Variants in ZNF727 observed in about 807,000 individuals in gnomAD.
ZNF727 encodes the protein zinc finger protein 727.
Under a neutral mutation model 11.5 loss-of-function variants are expected in ZNF727, and 11 were observed. That is an observed-to-expected ratio of 0.95 (90% CI 0.60 to 1.58). ZNF727 has a LOEUF of 1.58. ZNF727 is among the 40% of genes most tolerant of loss of function. The pLI, the probability that ZNF727 is intolerant of heterozygous loss-of-function variation, is 0.00. For synonymous variants in ZNF727, 171 were observed against 196.1 expected (o/e 0.87, Z 1.07); for missense variants, 533 against 581.7 (o/e 0.92, Z 0.86).
chr7:64,050,234 T>C (rs1257866842), intron 1 of ZNF727, among the ~76,000 whole-genome samples: 1 of 152,114 alleles, frequency 6.6e-6, no homozygotes, highest in Non-Finnish European at 1.5e-5. Context: ...TTTAGTACCA[T>C]GTAGATAATA....
chr7:64,045,867 C>T (rs117535826), intron 1 of ZNF727, among the ~76,000 whole-genome samples: 3 of 152,140 alleles, frequency 2.0e-5, no homozygotes, highest in African/African-American at 4.8e-5. Flanking sequence ...TTTTGGGCAG[C>T]TCTGTGTCGC....
intron 1 of ZNF727, among the ~76,000 whole-genome samples, chr7:64,053,514 T>C (rs1468396026): frequency 6.6e-6 from 1 of 151,958 alleles, no homozygotes; most frequent in African/African-American, 2.4e-5. Flanking sequence ...AGAGATGGGG[T>C]TTCACCATGT....
chr7:64,053,383 C>G (rs1021455873), intron 1 of ZNF727, among the ~76,000 whole-genome samples: 1 of 152,142 alleles, frequency 6.6e-6, no homozygotes, highest in Non-Finnish European at 1.5e-5. Context: ...TGCAGTGGCA[C>G]AGTCTCGGCT....
At chr7:64,061,418 A>C (rs1236134276) in intron 1 of ZNF727, among the ~76,000 whole-genome samples, 2 of 151,640 alleles carry the variant, frequency 1.3e-5, no homozygotes, top group Non-Finnish European at 2.9e-5. Flanking sequence ...CTTTTTTATA[A>C]TATAACTTTT....
At chr7:64,054,090 G>A (rs553918877) in intron 1 of ZNF727, among the ~76,000 whole-genome samples, 1 of 152,340 alleles carries the variant, frequency 6.6e-6, no homozygotes, top group South Asian at 2.1e-4. Context: ...GCAGGAATTA[G>A]TATATGCAGA....
intron 1 of ZNF727, among the ~76,000 whole-genome samples, chr7:64,052,125 G>A (rs1376598893): frequency 1.3e-5 from 2 of 152,144 alleles, no homozygotes; most frequent in East Asian, 3.9e-4. Context: ...AGTGTACCAG[G>A]TCTAAGTGTG....
intron 1 of ZNF727, among the ~76,000 whole-genome samples, chr7:64,068,669 T>C (rs1368796506): frequency 6.6e-6 from 1 of 152,152 alleles, no homozygotes; most frequent in Non-Finnish European, 1.5e-5. Flanking sequence ...TTATACTGTA[T>C]CATCAAGAAA....
intron 1 of ZNF727, among the ~76,000 whole-genome samples, chr7:64,051,456 A>G (rs1407884522): frequency 6.6e-6 from 1 of 152,236 alleles, no homozygotes; most frequent in Non-Finnish European, 1.5e-5. Context: ...GGTTGGTAAA[A>G]CAGGAGAAAA....
At chr7:64,070,565 A>G (rs1393968294) in intron 3 of ZNF727, among the ~76,000 whole-genome samples, 1 of 152,080 alleles carries the variant, frequency 6.6e-6, no homozygotes, top group African/African-American at 2.4e-5. Flanking sequence ...TTATATCTGT[A>G]TACATAATGA....
Position 64,068,943 on chromosome 7 carries a change from A to C in ZNF727, c.56A>C (p.Glu19Ala). 6.2e-7 allele frequency: 1 copy of C among 1,606,474 alleles called. No individual in the cohort carries two copies. The highest frequency in any genetic ancestry group is 8.5e-7 in the Non-Finnish European group (1 of 1,175,942). Reference protein sequence around the residue: ...VAVEFSPEEWECLDSAQQRLY... With the variant: ...VAVEFSPEEWACLDSAQQRLY... ...GTAGAATTCTCCCCAGAAGAGTGGG[A>C]ATGCCTGGACTCTGCTCAGCAGCGT... The change falls in exon 2 of 4, where the codon GAA (glutamate) becomes GCA (alanine). Residue 19 changes from glutamate (E) to alanine (A), a missense_variant. Coordinates refer to ENST00000456806, the MANE Select transcript of ZNF727 (RefSeq NM_001159522.3).
At chr7:64,072,682 G>A (rs1789980923) in intron 3 of ZNF727, among the ~76,000 whole-genome samples, 1 of 152,110 alleles carries the variant, frequency 6.6e-6, no homozygotes, top group Non-Finnish European at 1.5e-5. Context: ...AGGAGCCGGA[G>A]ATAGTTATAG....
At chr7:64,071,839 C>A (rs940366334) in intron 3 of ZNF727, among the ~76,000 whole-genome samples, 5 of 151,974 alleles carry the variant, frequency 3.3e-5, no homozygotes, top group Non-Finnish European at 7.4e-5. Flanking sequence ...ATGGAAGAGA[C>A]TGTACTTTCT....
intron 1 of ZNF727, among the ~76,000 whole-genome samples, chr7:64,047,458 C>T (rs1328178571): frequency 2.6e-5 from 4 of 152,200 alleles, no homozygotes; most frequent in Admixed American, 6.5e-5. Flanking sequence ...TCTAGGCACG[C>T]GCGCCTTCCC....
At position 64,078,078 on chromosome 7, in the gene ZNF727, A is replaced by G. The variant is rs1785715291; in HGVS notation, c.1029A>G (p.Glu343=). 1 of 1,611,574 alleles carries G rather than the reference A, an allele frequency of 6.2e-7. No homozygotes were observed. The highest frequency in any genetic ancestry group is 1.7e-5 in the Admixed American group (1 of 59,602). Residue 343 remains glutamate (E), a synonymous_variant, in exon 4 of 4, where the codon GAA becomes GAG. Transcript: ENST00000456806. The stretch of plus-strand genomic sequence containing the variant: ...CTGGAGAGAAACCCTACATTTGTGA[A>G]GAATGTGGCAAAGCCTTTACCTACT... ...IHTGEKPYIC[E]ECGKAFTYSS... is the part of the protein sequence containing the mutation.
Position 64,045,458 on chromosome 7 carries a change from T to C in ZNF727, c.-164T>C. Reference sequence around the variant, plus strand: ...CGGGCTCTTCAATATGGCAAGGCCTTCGTCTCCTAGCTTCTAGGCTCTGAG... The same window carrying C: ...CGGGCTCTTCAATATGGCAAGGCCTCCGTCTCCTAGCTTCTAGGCTCTGAG... On this transcript the variant is annotated 5_prime_UTR_variant, in exon 1 of 4. Transcript: ENST00000456806. 2 of 1,001,974 alleles carry C rather than the reference T, an allele frequency of 2.0e-6. No homozygotes were observed. Among genetic ancestry groups the C allele is most frequent in the Admixed American group, 4.0e-5 (2 of 49,788 alleles). The allele number at this position is 1,001,974 out of a possible 1,614,324, so 62.1% of individuals were successfully genotyped here.
intron 3 of ZNF727, 78 bp downstream of exon 3, chr7:64,069,687 C>G (rs928099462): frequency 4.5e-6 from 5 of 1,110,862 alleles, no homozygotes; most frequent in Non-Finnish European, 6.6e-6. Flanking sequence ...TTGAAACATG[C>G]TTCCAGAAGC....
chr7:64,054,958 A>T (rs1232715932), intron 1 of ZNF727, among the ~76,000 whole-genome samples: 3 of 152,052 alleles, frequency 2.0e-5, no homozygotes, highest in Non-Finnish European at 2.9e-5. Context: ...TATGTTTTAC[A>T]TATCTCTTTA....
intron 1 of ZNF727, among the ~76,000 whole-genome samples, chr7:64,050,282 C>A (rs1227813911): frequency 2.0e-5 from 3 of 151,460 alleles, no homozygotes; most frequent in Admixed American, 6.6e-5. Context: ...ACATGTAGAC[C>A]CAAAATATAA....
chr7:64,063,112 C>T (rs1789802141), intron 1 of ZNF727, among the ~76,000 whole-genome samples: 1 of 152,024 alleles, frequency 6.6e-6, no homozygotes. Context: ...AGGATTTGCA[C>T]ACTAGTGCCT....
Sources: gnomAD v4.1 joint callset for allele counts (sites outside exome capture counted in the v4.1 genomes callset) on GRCh38, gnomAD v4.1.1 for gene constraint, MANE v1.5 for transcripts, NCBI Gene and HGNC (gene_info 2026-07-23, HGNC 2026-07-21) for gene names.